ADAMTS18: variants seen among roughly 807,000 people sequenced by gnomAD.
ADAMTS18 encodes ADAM metallopeptidase with thrombospondin type 1 motif 18, also known as A disintegrin and metalloproteinase with thrombospondin motifs 18.
In ADAMTS18, 157 loss-of-function variants were observed where a neutral mutation model predicts 165.9. The observed-to-expected ratio is 0.95, with a 90% CI of 0.83 to 1.08. The LOEUF is 1.08. ADAMTS18 is among the 50% of genes least tolerant of loss of function. ADAMTS18 has a pLI of 0.00. For missense variants in ADAMTS18, 2,040 were observed against 1,534.0 expected (o/e 1.33, Z -5.51); for synonymous variants, 782 against 578.2 (o/e 1.35, Z -5.06).
At chr16:77,296,648 C>T (rs557432616) in intron 18 of ADAMTS18, among the ~76,000 whole-genome samples, 4 of 152,114 alleles carry the variant, frequency 2.6e-5, no homozygotes, top group Admixed American at 6.6e-5. Flanking sequence ...GGCAAAACCC[C>T]GTCTCTACTA....
At chr16:77,367,296 G>A in intron 4 of ADAMTS18, 145 bp downstream of exon 4, 2 of 840,030 alleles carry the variant, frequency 2.4e-6, no homozygotes, top group Non-Finnish European at 3.8e-6. Context: ...GCATTTGCCT[G>A]AGAGAGATAA....
intron 3 of ADAMTS18, among the ~76,000 whole-genome samples, chr16:77,390,806 G>C (rs575832859): frequency 6.6e-6 from 1 of 152,242 alleles, no homozygotes; most frequent in Admixed American, 6.5e-5. Context: ...CCCATATGTG[G>C]TTATTTAAAT....
intron 10 of ADAMTS18, among the ~76,000 whole-genome samples, chr16:77,353,071 C>T (rs888302291): frequency 6.6e-6 from 1 of 151,284 alleles, no homozygotes; most frequent in Admixed American, 6.6e-5. Context: ...CACAGTGAGA[C>T]TCTGTCTCAA....
intron 9 of ADAMTS18, 46 bp from the exon 10 acceptor site, chr16:77,353,932 T>C (rs773974691): frequency 6.2e-7 from 1 of 1,611,832 alleles, no homozygotes; most frequent in African/African-American, 1.3e-5. Context: ...TGATCTGTGA[T>C]CTTTCCATTT....
At chr16:77,349,331 C>G (rs149238564) in intron 10 of ADAMTS18, among the ~76,000 whole-genome samples, 1 of 152,100 alleles carries the variant, frequency 6.6e-6, no homozygotes, top group Non-Finnish European at 1.5e-5. Context: ...CAAGGAGATT[C>G]CTAGTGAGCT....
chr16:77,339,851 A>G (rs577288682), intron 11 of ADAMTS18, among the ~76,000 whole-genome samples: 1 of 151,146 alleles, frequency 6.6e-6, no homozygotes, highest in Non-Finnish European at 1.5e-5. Flanking sequence ...TAAAACAAAG[A>G]GTTAAAAATT....
chr16:77,313,404 T>C (rs551085202), intron 16 of ADAMTS18, among the ~76,000 whole-genome samples: 2 of 151,534 alleles, frequency 1.3e-5, no homozygotes, highest in African/African-American at 4.9e-5. Flanking sequence ...GTAACAAACC[T>C]GTACATTGTG....
At chr16:77,320,304 G>A (rs2055972222) in intron 15 of ADAMTS18, among the ~76,000 whole-genome samples, 1 of 152,220 alleles carries the variant, frequency 6.6e-6, no homozygotes, top group South Asian at 2.1e-4. Context: ...GCTTCCCAAA[G>A]CCTTCCAACT....
At chr16:77,336,803 C>T (rs1306117043) in intron 11 of ADAMTS18, among the ~76,000 whole-genome samples, 2 of 152,116 alleles carry the variant, frequency 1.3e-5, no homozygotes, top group African/African-American at 4.8e-5. Flanking sequence ...TTGTTGCCTA[C>T]CCCCAATCCC....
At chr16:77,429,130 G>A (rs1203601734) in intron 3 of ADAMTS18, among the ~76,000 whole-genome samples, 1 of 152,172 alleles carries the variant, frequency 6.6e-6, no homozygotes, top group Non-Finnish European at 1.5e-5. Context: ...AAAGACACAT[G>A]CATGTGAATG....
chr16:77,412,680 G>C (rs1194573962), intron 3 of ADAMTS18, among the ~76,000 whole-genome samples: 1 of 152,156 alleles, frequency 6.6e-6, no homozygotes, highest in Non-Finnish European at 1.5e-5. Flanking sequence ...CAGCAGGCAA[G>C]AGAGAATGAG....
chr16:77,399,670 G>A (rs144528343), intron 3 of ADAMTS18, among the ~76,000 whole-genome samples: 1 of 152,166 alleles, frequency 6.6e-6, no homozygotes, highest in Non-Finnish European at 1.5e-5. Context: ...GGGGCTGCAA[G>A]TAATATGCTG....
In ADAMTS18 at chr16:77,318,317, G is replaced by C. The variant is rs559591100; in HGVS notation, c.2532+1532C>G. On this transcript the variant is annotated intron_variant, in intron 16 of 22. Transcript: ENST00000282849. ...CCCACAGAGGCAACCATTTCACAATGAGAAAAACCATATAATGACAAGTAG... is the reference window on the plus strand; with the variant it reads ...CCCACAGAGGCAACCATTTCACAATCAGAAAAACCATATAATGACAAGTAG... 2.0e-5 allele frequency among the ~76,000 whole-genome samples: 3 copies of C among 152,236 alleles called. No individual in the cohort carries two copies. In the South Asian group the frequency reaches 6.2e-4, roughly 32 times the overall value.
At position 77,295,234 on chromosome 16, in the gene ADAMTS18, C is replaced by A. The variant is rs2055446697; in HGVS notation, c.2802-107G>T. 6 of 1,125,874 alleles carry A rather than the reference C, an allele frequency of 5.3e-6. No individual in the cohort carries two copies. In the South Asian group the frequency reaches 6.5e-5, roughly 12 times the overall value. The allele number at this position is 1,125,874 out of a possible 1,614,324, so 69.7% of individuals were successfully genotyped here. On this transcript the variant is annotated intron_variant, in intron 18 of 22. Transcript: ENST00000282849. ...ACCTATGGAAGCCATGAATCAATTT[C>A]AGAACCAATAAGATAAGTTATTCTA...
intron 5 of ADAMTS18, 84 bp downstream of exon 5, chr16:77,364,104 C>T (rs1369564609): frequency 5.2e-6 from 8 of 1,548,286 alleles, no homozygotes; most frequent in Non-Finnish European, 3.6e-6. Context: ...CGACCTAATA[C>T]ACCTGCTATT....
At chr16:77,291,589 AT>A in intron 20 of ADAMTS18, 111 bp from the exon 21 acceptor site, 1 of 1,076,124 alleles carries the variant, frequency 9.3e-7, no homozygotes, top group Non-Finnish European at 1.4e-6. Flanking sequence ...GAGGGATGGG[AT>A]TACACAAGGT....
chr16:77,414,325 C>A (rs2057502462), intron 3 of ADAMTS18, among the ~76,000 whole-genome samples: 1 of 152,280 alleles, frequency 6.6e-6, no homozygotes, highest in South Asian at 2.1e-4. Context: ...AAGACAGCAG[C>A]CCTTAGTGGA....
chr16:77,407,089 T>G (rs1203480170), intron 3 of ADAMTS18, among the ~76,000 whole-genome samples: 1 of 152,012 alleles, frequency 6.6e-6, no homozygotes, highest in African/African-American at 2.4e-5. Context: ...CTCCTGAATC[T>G]AAATAAAAAT....
rs144989829 is a variant in ADAMTS18, at chr16:77,315,025, A to G, written c.2532+4824T>C. On this transcript the variant is annotated intron_variant, in intron 16 of 22. Transcript: ENST00000282849. ...CTCTCAGCCATTCTGTGTGTAGAAC[A>G]TCTTGGAATTTAAGGTTATGTGTTT... Among the ~76,000 whole-genome samples the G allele has an allele frequency of 8.3e-4, 125 of 151,290 alleles. 2 individuals are homozygous for G. The East Asian group carries it at 0.018, about 22-fold the overall frequency.
Sources: allele counts gnomAD v4.1 joint callset (sites outside exome capture counted in the v4.1 genomes callset), GRCh38; gene constraint gnomAD v4.1.1; transcripts MANE v1.5; gene names NCBI Gene and HGNC (gene_info 2026-07-23, HGNC 2026-07-21).